Variants in COPA observed in about 807,000 individuals in gnomAD.
The protein encoded by COPA is coat protein complex I subunit alpha.
A neutral mutation model predicts 158.7 loss-of-function variants in COPA; 10 were observed. That is an observed-to-expected ratio of 0.06 (90% CI 0.04 to 0.11). COPA has a LOEUF of 0.11. Ranked by LOEUF, COPA falls within the 10% of genes least tolerant of loss-of-function variation. The pLI, the probability that COPA is intolerant of heterozygous loss-of-function variation, is 1.00. For missense variants in COPA, 1,065 were observed against 1,536.7 expected (o/e 0.69, Z 5.13); for synonymous variants, 462 against 542.8 (o/e 0.85, Z 2.07).
intron 12 of COPA, among the ~76,000 whole-genome samples, chr1:160,309,625 A>G (rs1190486150): frequency 6.6e-6 from 1 of 152,134 alleles, no homozygotes; most frequent in Non-Finnish European, 1.5e-5. Context: ...AACTCAGAGT[A>G]TGGGACTACT....
At position 160,314,007 on chromosome 1, in the gene COPA, G is replaced by C. The variant is rs1659056298; in HGVS notation, c.825C>G (p.Val275=). 1 of 1,613,312 alleles carries C rather than the reference G, an allele frequency of 6.2e-7. No homozygotes were observed. Among genetic ancestry groups the C allele is most frequent in the African/African-American group, 1.3e-5 (1 of 74,952 alleles). Residue 275 remains valine (V), a synonymous_variant, in exon 9 of 33, where the codon GTC becomes GTG. Transcript: ENST00000241704. ...LSNSEDKSIR[V]WDMSKRTGVQ... ...TACCTTACCGCTTAGACATATCCCA[G>C]ACTCGAATACTCTTGTCCTCAGAAT...
chr1:160,306,517 GT>G (rs1658790748), intron 14 of COPA, 24 bp from the exon 15 acceptor site: 3 of 1,613,664 alleles, frequency 1.9e-6, no homozygotes, highest in Admixed American at 3.3e-5. Flanking sequence ...TAAAGATGGG[GT>G]TAAGAGAAGA....
At chr1:160,300,344 A>AAAATAAGT in intron 17 of COPA, among the ~76,000 whole-genome samples, 1 of 138,932 alleles carries the variant, frequency 7.2e-6, no homozygotes. Flanking sequence ...ACTCCGACTC[A>AAAATAAGT]AAATAAATAA....
At chr1:160,297,868 CT>C in intron 19 of COPA, 123 bp from the exon 20 acceptor site, 1 of 1,075,598 alleles carries the variant, frequency 9.3e-7, no homozygotes. Context: ...TCAATTACTC[CT>C]AGCTTTTAGT....
At chr1:160,309,076 T>C (rs1658881457) in intron 13 of COPA, 25 bp downstream of exon 13, 1 of 1,585,098 alleles carries the variant, frequency 6.3e-7, no homozygotes, top group Non-Finnish European at 8.7e-7. Context: ...GGAAGCAGAG[T>C]GGGGTAGACA....
chr1:160,314,218 A>C, intron 8 of COPA, 93 bp from the exon 9 acceptor site: 1 of 1,351,076 alleles, frequency 7.4e-7, no homozygotes, highest in East Asian at 2.5e-5. Flanking sequence ...AGAACTAAGT[A>C]CTATTACAGA....
At chr1:160,324,181 G>C (rs1227527427) in intron 7 of COPA, among the ~76,000 whole-genome samples, 2 of 151,618 alleles carry the variant, frequency 1.3e-5, no homozygotes, top group East Asian at 3.9e-4. Context: ...ATAACTTAAT[G>C]CAGAAATCTC....
At chr1:160,311,695 C>A (rs921981179) in intron 11 of COPA, among the ~76,000 whole-genome samples, 173 bp downstream of exon 11, 6 of 150,334 alleles carry the variant, frequency 4.0e-5, no homozygotes, top group African/African-American at 1.5e-4. Context: ...TGCAGTGAGC[C>A]GAGATCGCGC....
Position 160,310,267 on chromosome 1 carries a change from A to G in COPA, c.1077-9T>C. Reference sequence around the variant, plus strand: ...CTGGAAACTTGGAACCACTAGAGATATATATAGAAAAAGGAGAAAACAGGG... The same window carrying G: ...CTGGAAACTTGGAACCACTAGAGATGTATATAGAAAAAGGAGAAAACAGGG... On this transcript the variant is annotated splice_polypyrimidine_tract_variant and intron_variant, in intron 11 of 32. Coordinates refer to ENST00000241704, the MANE Select transcript of COPA (RefSeq NM_004371.4). The G allele has an allele frequency of 6.4e-7, 1 of 1,566,924 alleles. No homozygotes were observed. Among genetic ancestry groups the G allele is most frequent in the Non-Finnish European group, 8.7e-7 (1 of 1,151,612 alleles).
In COPA at chr1:160,292,204, A is replaced by G; in HGVS notation, c.2961-6T>C. ...TCTTCAGCCCTGCATCCTTCCTGGAAAGGGAAAAGTAGGAAGAAGACAGGA... is the reference window on the plus strand; with the variant it reads ...TCTTCAGCCCTGCATCCTTCCTGGAGAGGGAAAAGTAGGAAGAAGACAGGA... On this transcript the variant is annotated splice_polypyrimidine_tract_variant and splice_region_variant and intron_variant, in intron 28 of 32. Transcript: ENST00000241704. The G allele has an allele frequency of 6.2e-7, 1 of 1,608,536 alleles. No individual in the cohort carries two copies. Among genetic ancestry groups the G allele is most frequent in the Non-Finnish European group, 8.5e-7 (1 of 1,176,862 alleles).
intron 17 of COPA, among the ~76,000 whole-genome samples, chr1:160,303,827 A>G (rs74125577): frequency 0.014 from 2,121 of 152,274 alleles, 47 homozygotes; most frequent in African/African-American, 0.042. Context: ...GATAATATAA[A>G]ATAGATTAAA....
At chr1:160,337,956 G>A (rs1647852414) in intron 3 of COPA, among the ~76,000 whole-genome samples, 1 of 152,034 alleles carries the variant, frequency 6.6e-6, no homozygotes, top group Non-Finnish European at 1.5e-5. Flanking sequence ...ACTCCCCTAA[G>A]AAATTCATAC....
intron 8 of COPA, among the ~76,000 whole-genome samples, chr1:160,321,385 A>T (rs1321432390): frequency 1.3e-5 from 2 of 152,218 alleles, no homozygotes; most frequent in Non-Finnish European, 2.9e-5. Context: ...AACAAATTGG[A>T]AAAATTACCC....
intron 8 of COPA, 142 bp from the exon 9 acceptor site, chr1:160,314,267 C>A: frequency 5.0e-6 from 4 of 797,278 alleles, no homozygotes; most frequent in Non-Finnish European, 7.6e-6. Context: ...TGGCAATCTT[C>A]TTCATTTAAG....
In COPA at chr1:160,307,197, C is replaced by T. The variant is rs1385335743; in HGVS notation, c.1268G>A (p.Arg423Gln). The change falls in exon 14 of 33, where the codon CGA becomes CAA. Residue 423 changes from arginine (R) to glutamine (Q), a missense_variant. Coordinates refer to ENST00000241704, the MANE Select transcript of COPA (RefSeq NM_004371.4). ...SSGLTAVWVA[R>Q]NRFAVLDRMH... Reference sequence around the variant, plus strand: ...CCGATCTAGGACAGCAAACCGATTTCGAGCGACCCAAACGGCTGTCAGGCC... The same window carrying T: ...CCGATCTAGGACAGCAAACCGATTTTGAGCGACCCAAACGGCTGTCAGGCC... 1.9e-6 allele frequency: 3 copies of T among 1,614,088 alleles called. No homozygotes were observed. The highest frequency in any genetic ancestry group is 2.5e-6 in the Non-Finnish European group (3 of 1,180,028).
At chr1:160,317,451 G>A in intron 8 of COPA, 1 of 1,609,090 alleles carries the variant, frequency 6.2e-7, no homozygotes, top group Non-Finnish European at 8.5e-7. Flanking sequence ...GGGATAAGAA[G>A]GAAGGTGAAT....
intron 3 of COPA, chr1:160,339,628 C>T (rs1333508019): frequency 6.0e-6 from 2 of 332,188 alleles, no homozygotes; most frequent in Non-Finnish European, 1.1e-5. Context: ...CCAAACTGTA[C>T]ATGCTATTAC....
chr1:160,292,039 A>G lies in COPA; in HGVS notation c.3120T>C (p.Val1040=). 6.2e-7 allele frequency: 1 copy of G among 1,614,210 alleles called. No individual in the cohort carries two copies. Among genetic ancestry groups the G allele is most frequent in the Non-Finnish European group, 8.5e-7 (1 of 1,180,034 alleles). The change falls in exon 29 of 33, where the codon GTT becomes GTC. Residue 1040 remains valine (V), a synonymous_variant. Coordinates refer to ENST00000241704, the MANE Select transcript of COPA (RefSeq NM_004371.4). The stretch of plus-strand genomic sequence containing the variant: ...CTGCAATCTCTTGTTTATTGTCCAC[A>G]ACAAGAAGTGGCACACTGAGAAGGA... ...RSILLSVPLL[V]VDNKQEIAEA... is the part of the protein sequence containing the mutation.
At chr1:160,295,893 TA>T in intron 22 of COPA, 34 bp from the exon 23 acceptor site, 1 of 1,588,868 alleles carries the variant, frequency 6.3e-7, no homozygotes, top group Non-Finnish European at 8.5e-7. Flanking sequence ...TAAAAACAAA[TA>T]GCACTTGGAA....
Sources: allele counts gnomAD v4.1 joint callset (sites outside exome capture counted in the v4.1 genomes callset), GRCh38; gene constraint gnomAD v4.1.1; transcripts MANE v1.5; gene names NCBI Gene and HGNC (gene_info 2026-07-23, HGNC 2026-07-21).